ATG7: variants seen among roughly 807,000 people sequenced by gnomAD.
The protein encoded by ATG7 is ubiquitin-like modifier-activating enzyme ATG7.
A neutral mutation model predicts 82.4 loss-of-function variants in ATG7; 70 were observed. The observed-to-expected ratio is 0.85, with a 90% CI of 0.70 to 1.04. The LOEUF (loss-of-function observed/expected upper bound fraction) is 1.04. Among genes scored for constraint, ATG7 ranks in the 50% least tolerant of loss-of-function variants. The pLI, the probability that ATG7 is intolerant of heterozygous loss-of-function variation, is 0.00. For missense variants in ATG7, 792 were observed against 864.3 expected, an observed-to-expected ratio of 0.92 and a Z score of 1.05; for synonymous variants, 287 against 313.0, an observed-to-expected ratio of 0.92 and a Z score of 0.88.
At chr3:11,431,065 T>G (rs1298287145) in intron 20 of ATG7, among the ~76,000 whole-genome samples, 1 of 152,202 alleles carries the variant, frequency 6.6e-6, no homozygotes, top group African/African-American at 2.4e-5. Context: ...CATAATGTTT[T>G]TTAATAATAG....
intron 20 of ATG7, among the ~76,000 whole-genome samples, chr3:11,521,329 G>T (rs1195103899): frequency 6.6e-6 from 1 of 152,152 alleles, no homozygotes; most frequent in East Asian, 1.9e-4. Context: ...CACAGGAAAG[G>T]GTGGCTAAGA....
intron 7 of ATG7, among the ~76,000 whole-genome samples, chr3:11,311,524 C>T (rs1034863815): frequency 2.6e-5 from 4 of 151,608 alleles, no homozygotes; most frequent in African/African-American, 9.7e-5. Context: ...ATTGCTTGAA[C>T]CTGGGAGGTG....
intron 9 of ATG7, among the ~76,000 whole-genome samples, chr3:11,321,241 G>T (rs1303212441): frequency 6.6e-6 from 1 of 152,214 alleles, no homozygotes; most frequent in African/African-American, 2.4e-5. Flanking sequence ...CCTATGGATT[G>T]TTAAGGTCAG....
intron 18 of ATG7, among the ~76,000 whole-genome samples, chr3:11,370,305 T>C (rs545096246): frequency 2.0e-5 from 3 of 151,170 alleles, no homozygotes; most frequent in South Asian, 2.1e-4. Context: ...CTGGCTCATG[T>C]CCAGCTTAGT....
At chr3:11,472,060 T>C (rs2087602384) in intron 20 of ATG7, among the ~76,000 whole-genome samples, 1 of 152,154 alleles carries the variant, frequency 6.6e-6, no homozygotes, top group Non-Finnish European at 1.5e-5. Context: ...TTCTTCAAGA[T>C]TAAACTCTAC....
At chr3:11,387,173 CCA>C (rs1156527612) in intron 19 of ATG7, among the ~76,000 whole-genome samples, 2 of 152,154 alleles carry the variant, frequency 1.3e-5, no homozygotes, top group African/African-American at 2.4e-5. Context: ...GGCTCACTGT[CCA>C]CACACAGGTA....
rs139040449 is a variant in ATG7, at chr3:11,494,258, G to A, written c.2080-60553G>A. 6.8e-4 allele frequency among the ~76,000 whole-genome samples: 104 copies of A among 152,260 alleles called. 1 individual carries two copies. The highest frequency in any genetic ancestry group is 2.4e-3 in the African/African-American group (100 of 41,546). ...TGCAGGAAAACAGGAATTAGGGAGG[G>A]GTAAGGAAGAGGAGTTGGTCAACAG... On this transcript the variant is annotated intron_variant, in intron 20 of 20. Coordinates refer to ENST00000693202, the MANE Select transcript of ATG7 (RefSeq NM_001349232.2).
At chr3:11,452,688 C>T (rs2085312144) in intron 20 of ATG7, among the ~76,000 whole-genome samples, 1 of 152,118 alleles carries the variant, frequency 6.6e-6, no homozygotes, top group Non-Finnish European at 1.5e-5. Context: ...TAATGAAGGC[C>T]ATTTTTAAAG....
At chr3:11,345,769 T>C (rs865930552) in intron 13 of ATG7, among the ~76,000 whole-genome samples, 31 of 152,150 alleles carry the variant, frequency 2.0e-4, no homozygotes, top group Non-Finnish European at 3.1e-4. Flanking sequence ...TTTATCTTTA[T>C]TAATTTTTTC....
intron 20 of ATG7, among the ~76,000 whole-genome samples, chr3:11,459,183 A>AAC (rs200946446): frequency 4.0e-5 from 6 of 151,614 alleles, no homozygotes; most frequent in African/African-American, 1.2e-4. Context: ...TAAAAAAAAA[A>AAC]AAAAAACAGC....
intron 19 of ATG7, among the ~76,000 whole-genome samples, chr3:11,403,328 G>A (rs1337719350): frequency 6.9e-6 from 1 of 145,556 alleles, no homozygotes; most frequent in African/African-American, 2.5e-5. Context: ...GATGTTTCAA[G>A]GGTTTTCTTT....
intron 13 of ATG7, among the ~76,000 whole-genome samples, chr3:11,345,557 T>C (rs1471862498): frequency 6.6e-6 from 1 of 152,212 alleles, no homozygotes; most frequent in Admixed American, 6.5e-5. Context: ...AAAATACATA[T>C]GGTATTCTCT....
At chr3:11,451,518 C>T (rs753867391) in intron 20 of ATG7, among the ~76,000 whole-genome samples, 35 of 152,140 alleles carry the variant, frequency 2.3e-4, no homozygotes, top group Non-Finnish European at 7.3e-5. Flanking sequence ...TGAGACAGGG[C>T]ACTGGATGGT....
At chr3:11,353,327 C>A (rs2075702655) in intron 14 of ATG7, among the ~76,000 whole-genome samples, 1 of 152,028 alleles carries the variant, frequency 6.6e-6, no homozygotes. Context: ...CACCTGTAGT[C>A]CCAGCTACTC....
intron 1 of ATG7, among the ~76,000 whole-genome samples, chr3:11,273,663 AAAAC>A (rs1335838844): frequency 1.3e-5 from 2 of 152,240 alleles, no homozygotes; most frequent in East Asian, 3.8e-4. Context: ...ATGAATGAAT[AAAAC>A]AAATATTTGC....
chr3:11,455,767 G>A (rs999713694), intron 20 of ATG7, among the ~76,000 whole-genome samples: 1 of 152,064 alleles, frequency 6.6e-6, no homozygotes, highest in South Asian at 2.1e-4. Flanking sequence ...CCTTAATCAA[G>A]CTGATTTACT....
chr3:11,441,989 G>A (rs912911986), intron 20 of ATG7, among the ~76,000 whole-genome samples: 3 of 152,040 alleles, frequency 2.0e-5, no homozygotes, highest in Non-Finnish European at 4.4e-5. Flanking sequence ...TTTTTATAAA[G>A]ATGAGGTTTC....
chr3:11,425,396 A>G (rs959547039), intron 19 of ATG7, among the ~76,000 whole-genome samples: 1 of 152,246 alleles, frequency 6.6e-6, no homozygotes, highest in African/African-American at 2.4e-5. Flanking sequence ...AAAAGAAAAA[A>G]AATCTATTTC....
At chr3:11,461,987 T>A (rs1207562783) in intron 20 of ATG7, among the ~76,000 whole-genome samples, 1 of 151,686 alleles carries the variant, frequency 6.6e-6, no homozygotes, top group East Asian at 1.9e-4. Flanking sequence ...GCCGAGATCA[T>A]GCCGCTGCAC....
Sources: gnomAD v4.1 joint callset for allele counts (sites outside exome capture counted in the v4.1 genomes callset) on GRCh38, gnomAD v4.1.1 for gene constraint, MANE v1.5 for transcripts, NCBI Gene and HGNC (gene_info 2026-07-23, HGNC 2026-07-21) for gene names.